KLRG2: variants seen among roughly 807,000 people sequenced by gnomAD.
KLRG2 encodes killer cell lectin like receptor G2, also known as killer cell lectin-like receptor subfamily G member 2.
Under a neutral mutation model 35.4 loss-of-function variants are expected in KLRG2, and 39 were observed. The ratio of observed to expected loss-of-function variants is 1.10; its 90% CI spans 0.85 to 1.44. KLRG2 has a LOEUF of 1.44. Among genes scored for constraint, KLRG2 ranks in the 40% most tolerant of loss-of-function variants. KLRG2 has a pLI of 0.00. For synonymous variants in KLRG2, 283 were observed against 265.8 expected (o/e 1.06, Z -0.63); for missense variants, 632 against 570.9 (o/e 1.11, Z -1.09).
chr7:139,458,904 C>T (rs1164201101), intron 3 of KLRG2, among the ~76,000 whole-genome samples: 7 of 152,312 alleles, frequency 4.6e-5, no homozygotes, highest in South Asian at 2.1e-4. Context: ...GGGGTTTGTG[C>T]GCGCTGCTTC....
chr7:139,443,435 A>T, the KLRG2 span, among the ~76,000 whole-genome samples: 21 of 152,334 alleles, frequency 1.4e-4, 1 homozygote, highest in Admixed American at 1.1e-3. Flanking sequence ...CTTTCTAAAA[A>T]TAAAATGACT....
intron 3 of KLRG2, among the ~76,000 whole-genome samples, chr7:139,455,617 G>C (rs780075315): frequency 6.6e-6 from 1 of 152,162 alleles, no homozygotes; most frequent in East Asian, 1.9e-4. Flanking sequence ...CACCGCGCCC[G>C]GCCAAGATTT....
intron 3 of KLRG2, among the ~76,000 whole-genome samples, chr7:139,455,955 A>G (rs1263715730): frequency 6.6e-6 from 1 of 152,214 alleles, no homozygotes; most frequent in Non-Finnish European, 1.5e-5. Context: ...TTATAGTGCT[A>G]TTAAAAATGA....
chr7:139,455,866 A>G (rs1205883813), intron 3 of KLRG2, among the ~76,000 whole-genome samples: 1 of 152,232 alleles, frequency 6.6e-6, no homozygotes, highest in African/African-American at 2.4e-5. Flanking sequence ...CTATTTGTGA[A>G]GAAAAACTGG....
At chr7:139,440,884 AC>A in the KLRG2 span, among the ~76,000 whole-genome samples, 1 of 152,304 alleles carries the variant, frequency 6.6e-6, no homozygotes, top group South Asian at 2.1e-4. Flanking sequence ...TATTTATATG[AC>A]CCTCATCTAG....
chr7:139,435,485 G>A, the KLRG2 span, among the ~76,000 whole-genome samples: 7 of 151,848 alleles, frequency 4.6e-5, no homozygotes, highest in Admixed American at 1.3e-4. Context: ...GCGAGACTCC[G>A]TCTCAAAAAA....
Position 139,453,724 on chromosome 7 carries a change from G to A in KLRG2, c.1110-17C>T. On this transcript the variant is annotated splice_polypyrimidine_tract_variant and intron_variant, in intron 4 of 4. Coordinates refer to ENST00000340940, the MANE Select transcript of KLRG2 (RefSeq NM_198508.4). ...TCAGGGAGTCTGGGAAAGGATGGGA[G>A]GGGAAAGAGGAGAGGTGTTTAGGGT... 1 of 1,613,788 alleles carries A rather than the reference G, an allele frequency of 6.2e-7. No individual in the cohort carries two copies.
the KLRG2 span, among the ~76,000 whole-genome samples, chr7:139,438,012 G>A: frequency 2.0e-5 from 3 of 152,284 alleles, no homozygotes; most frequent in African/African-American, 7.2e-5. Flanking sequence ...TCTGACCTAG[G>A]CCTCAAAAGG....
In KLRG2 at chr7:139,453,001, A is replaced by G. The variant is rs1380955408; in HGVS notation, c.*586T>C. On this transcript the variant is annotated 3_prime_UTR_variant, in exon 5 of 5. Coordinates refer to ENST00000340940, the MANE Select transcript of KLRG2 (RefSeq NM_198508.4). ...CCACCCAGAACCTTCCTGTCTGCCA[A>G]CCCTTTGCCAACTCTCAGGGTGGGG... is the stretch of plus-strand genomic sequence containing the variant. 1 of 153,370 alleles carries G rather than the reference A, an allele frequency of 6.5e-6. No homozygotes were observed. The highest frequency in any genetic ancestry group is 2.4e-5 in the African/African-American group (1 of 41,408). 9.5% of individuals were successfully genotyped at this position (153,370 alleles called of 1,614,324 possible). A position where few individuals can be genotyped will look rare whatever the true frequency, so the allele number is the denominator to read the frequency against.
the KLRG2 span, among the ~76,000 whole-genome samples, chr7:139,429,420 C>T: frequency 3.4e-5 from 5 of 146,074 alleles, no homozygotes; most frequent in Admixed American, 6.9e-5. Context: ...GGGTGTTTCT[C>T]GCAGAGGGGG....
the KLRG2 span, among the ~76,000 whole-genome samples, chr7:139,435,660 T>C: frequency 1.3e-5 from 2 of 152,168 alleles, no homozygotes; most frequent in African/African-American, 4.8e-5. Flanking sequence ...ATGAGCTTTA[T>C]CTTCTCTAGA....
intron 3 of KLRG2, among the ~76,000 whole-genome samples, chr7:139,467,568 T>C (rs60136247): frequency 0.088 from 13,407 of 152,128 alleles, 996 homozygotes; most frequent in East Asian, 0.42. Flanking sequence ...ACATGTGCTG[T>C]GTCCACTCAG....
Position 139,482,902 on chromosome 7 carries a change from C to T in KLRG2, c.741G>A (p.Arg247=), listed in dbSNP as rs1482423452. ...AGLDGDEKLP[R]AVTLTGLPMY... Reference sequence around the variant, plus strand: ...AGCACTCACCCGTAAGCGTTACGGCCCGGGGCAGCTTCTCGTCGCCGTCCA... The same window carrying T: ...AGCACTCACCCGTAAGCGTTACGGCTCGGGGCAGCTTCTCGTCGCCGTCCA... Residue 247 remains arginine, a synonymous_variant, in exon 1 of 5, where the codon CGG becomes CGA. Coordinates refer to ENST00000340940, the MANE Select transcript of KLRG2 (RefSeq NM_198508.4). The T allele has an allele frequency of 1.3e-6, 2 of 1,489,974 alleles. No individual in the cohort carries two copies. The highest frequency in any genetic ancestry group is 4.6e-5 in the Admixed American group (2 of 43,106). The allele number at this position is 1,489,974 out of a possible 1,614,324, so 92.3% of individuals were successfully genotyped here. A position where few individuals can be genotyped will look rare whatever the true frequency, so the allele number is the denominator to read the frequency against.
At chr7:139,453,733 G>C (rs1271434574) in intron 4 of KLRG2, 26 bp from the exon 5 acceptor site, 2 of 1,613,478 alleles carry the variant, frequency 1.2e-6, no homozygotes, top group Non-Finnish European at 1.7e-6. Context: ...AGGGGAAAGA[G>C]GAGAGGTGTT....
chr7:139,438,923 C>T, the KLRG2 span, among the ~76,000 whole-genome samples: 5 of 118,828 alleles, frequency 4.2e-5, no homozygotes, highest in South Asian at 1.8e-3. Flanking sequence ...GATCCCCTCC[C>T]CCCCCCCACC....
Position 139,479,630 on chromosome 7 carries a change from G to C in KLRG2, c.1002C>G (p.Thr334=), listed in dbSNP as rs1409161565. 2 of 1,612,196 alleles carry C rather than the reference G, an allele frequency of 1.2e-6. No individual in the cohort carries two copies. Among genetic ancestry groups the C allele is most frequent in the African/African-American group, 2.7e-5 (2 of 74,920 alleles). The change falls in exon 3 of 5, where the codon ACC becomes ACG. Residue 334 remains threonine, a synonymous_variant. Transcript: ENST00000340940. ...AGATTGGACACCCCCTTCTCACCTG[G>C]GTGTGGCTTAGCAGGGGGAGGGTAG... ...YHATLPLLSH[T]QDFLGRYPVS... is the part of the protein sequence containing the mutation.
the KLRG2 span, among the ~76,000 whole-genome samples, chr7:139,427,672 T>C: frequency 3.2e-4 from 49 of 152,302 alleles, no homozygotes; most frequent in African/African-American, 1.1e-3. Flanking sequence ...CTGAGCCCTA[T>C]ATCCATATGA....
At position 139,454,368 on chromosome 7, in the gene KLRG2, T is replaced by C. The variant is rs539526096; in HGVS notation, c.1006-154A>G. On this transcript the variant is annotated intron_variant, in intron 3 of 4. Coordinates refer to ENST00000340940, the MANE Select transcript of KLRG2 (RefSeq NM_198508.4). ...TGCAGAACAAAAAAACCTTGAAAGCTGGATTGGATGCCTGCTGGGTGCCAG... is the reference window on the plus strand; with the variant it reads ...TGCAGAACAAAAAAACCTTGAAAGCCGGATTGGATGCCTGCTGGGTGCCAG... Among the ~76,000 whole-genome samples, 7 of 152,256 alleles carry C rather than the reference T, an allele frequency of 4.6e-5. No homozygotes were observed. In the East Asian group the frequency reaches 1.2e-3, roughly 25 times the overall value.
the KLRG2 span, among the ~76,000 whole-genome samples, chr7:139,443,093 A>AATT: frequency 9.1e-6 from 1 of 109,662 alleles, no homozygotes; most frequent in African/African-American, 6.1e-5. Context: ...AGGAAAAAAA[A>AATT]CTTTTTTTTT....
Sources: allele counts gnomAD v4.1 joint callset (sites outside exome capture counted in the v4.1 genomes callset), GRCh38; gene constraint gnomAD v4.1.1; transcripts MANE v1.5; gene names NCBI Gene and HGNC (gene_info 2026-07-23, HGNC 2026-07-21).